Variants in MYOM2 observed in about 807,000 individuals in gnomAD.
MYOM2 encodes the protein myomesin-2.
MYOM2 carries 254 observed loss-of-function variants against 187.6 expected under a neutral mutation model. The observed-to-expected ratio is 1.35, with a 90% CI of 1.22 to 1.50. The LOEUF (loss-of-function observed/expected upper bound fraction) is 1.50. Among genes scored for constraint, MYOM2 ranks in the 40% most tolerant of loss-of-function variants. The pLI is 0.00. For synonymous variants in MYOM2, 981 were observed against 753.8 expected, an observed-to-expected ratio of 1.30 and a Z score of -4.94; for missense variants, 2,796 against 1,924.0, an observed-to-expected ratio of 1.45 and a Z score of -8.48.
intron 28 of MYOM2, among the ~76,000 whole-genome samples, chr8:2,118,695 A>AT (rs1389184184): frequency 3.9e-5 from 6 of 152,106 alleles, no homozygotes; most frequent in African/African-American, 1.4e-4. Context: ...ACAATAAAAA[A>AT]CCCAAGGCTG....
At chr8:2,067,434 C>A (rs945097633) in intron 6 of MYOM2, among the ~76,000 whole-genome samples, 5 of 152,154 alleles carry the variant, frequency 3.3e-5, no homozygotes, top group Admixed American at 2.0e-4. Flanking sequence ...GTTTACCTAG[C>A]TTCTTACCTT....
chr8:2,097,997 T>C (rs1796553928), intron 18 of MYOM2: 2 of 152,188 alleles, frequency 1.3e-5, no homozygotes, highest in South Asian at 4.2e-4. Flanking sequence ...TCTTTGTGAG[T>C]GCTACTGTTT....
chr8:2,074,746 C>T (rs917469218), intron 10 of MYOM2, among the ~76,000 whole-genome samples: 9 of 152,202 alleles, frequency 5.9e-5, no homozygotes, highest in Non-Finnish European at 1.2e-4. Flanking sequence ...TGTGAGCCAC[C>T]GCGCCCGGCC....
At chr8:2,072,640 G>A in intron 9 of MYOM2, 131 bp downstream of exon 9, 2 of 1,167,370 alleles carry the variant, frequency 1.7e-6, no homozygotes, top group Admixed American at 2.7e-5. Context: ...AACAAACTGA[G>A]GGACTGTAGA....
chr8:2,103,411 G>T (rs1796782511), intron 21 of MYOM2, among the ~76,000 whole-genome samples: 1 of 151,444 alleles, frequency 6.6e-6, no homozygotes, highest in African/African-American at 2.4e-5. Context: ...GTGTTTATGT[G>T]TATGTATGTA....
chr8:2,078,449 A>G (rs542077568), intron 11 of MYOM2, among the ~76,000 whole-genome samples: 1 of 152,300 alleles, frequency 6.6e-6, no homozygotes, highest in South Asian at 2.1e-4. Flanking sequence ...TTTTGCCTAA[A>G]TGTGTTTGAT....
At chr8:2,079,425 C>G (rs1327992464) in intron 12 of MYOM2, 135 bp from the exon 13 acceptor site, 2 of 831,692 alleles carry the variant, frequency 2.4e-6, no homozygotes, top group Admixed American at 1.7e-5. Flanking sequence ...CCAGAATCAG[C>G]TCTGATGCCC....
intron 31 of MYOM2, chr8:2,127,684 G>A (rs1797700885): frequency 2.8e-5 from 1 of 35,708 alleles, no homozygotes; most frequent in African/African-American, 1.3e-4. Flanking sequence ...TGACGCAGCC[G>A]CAGGCAGGCA....
In MYOM2 at chr8:2,072,401, T is replaced by C; in HGVS notation, c.850T>C (p.Phe284Leu). The C allele has an allele frequency of 6.2e-7, 1 of 1,614,032 alleles. No individual in the cohort carries two copies. The highest frequency in any genetic ancestry group is 8.5e-7 in the Non-Finnish European group (1 of 1,179,992). ...THFDVQFLEK[F>L]GVTFRREGET... ...CTTCGACGTCCAGTTTTTGGAGAAG[T>C]TTGGGGTCACCTTCAGGAGGGAAGG... The change falls in exon 9 of 37, where the codon TTT becomes CTT. Residue 284 changes from phenylalanine to leucine, a missense_variant. Physicochemically the swap from Phe to Leu is conservative, Grantham distance 22. Coordinates refer to ENST00000262113, the MANE Select transcript of MYOM2 (RefSeq NM_003970.4).
At position 2,125,759 on chromosome 8, in the gene MYOM2, C is replaced by T. The variant is rs959467499; in HGVS notation, c.3694+1542C>T. Reference sequence around the variant, plus strand: ...AGTAGCTGGGACTACAGGCACGCATCACCACACCCAGCTAATTTTTTTGCA... The same window carrying T: ...AGTAGCTGGGACTACAGGCACGCATTACCACACCCAGCTAATTTTTTTGCA... On this transcript the variant is annotated intron_variant, in intron 31 of 36. Coordinates refer to ENST00000262113, the MANE Select transcript of MYOM2 (RefSeq NM_003970.4). 5.3e-5 allele frequency among the ~76,000 whole-genome samples: 8 copies of T among 151,758 alleles called. No individual in the cohort carries two copies. In the South Asian group the frequency reaches 1.5e-3, roughly 28 times the overall value.
intron 8 of MYOM2, among the ~76,000 whole-genome samples, chr8:2,070,882 G>C (rs1819191162): frequency 1.3e-5 from 2 of 152,186 alleles, no homozygotes; most frequent in African/African-American, 4.8e-5. Flanking sequence ...AACAATGACA[G>C]AGATGATGGA....
intron 28 of MYOM2, among the ~76,000 whole-genome samples, chr8:2,120,680 TTATATATAA>T (rs1563069258): frequency 0.026 from 1,234 of 48,292 alleles, 162 homozygotes; most frequent in Middle Eastern, 0.068. Context: ...ATATATTATA[TTATATATAA>T]ATATATAATA....
intron 23 of MYOM2, among the ~76,000 whole-genome samples, chr8:2,108,531 C>T (rs1044950942): frequency 1.3e-5 from 2 of 152,062 alleles, no homozygotes; most frequent in Non-Finnish European, 2.9e-5. Context: ...ATATACCTAC[C>T]CCTGCCCCCA....
rs199977583 is a variant in MYOM2, at chr8:2,135,943, TGAAGCTGGGAGTGG to T, written c.3801-4771_3801-4758del. ...GGGCGTGGGGTCTAGGGTGAGACCCTGAAGCTGGGAGTGGGAAGCTGGAAACCAGCATTTGCCCT... is the reference window on the plus strand; with the variant it reads ...GGGCGTGGGGTCTAGGGTGAGACCCTGAAGCTGGAAACCAGCATTTGCCCT... On this transcript the variant is annotated intron_variant, in intron 32 of 36. Transcript: ENST00000262113. 5.8e-4 allele frequency among the ~76,000 whole-genome samples: 88 copies of T among 152,288 alleles called. 4 individuals carry two copies. In the East Asian group the frequency reaches 0.011, roughly 20 times the overall value.
intron 13 of MYOM2, among the ~76,000 whole-genome samples, chr8:2,082,540 T>G (rs1256277658): frequency 6.6e-6 from 1 of 152,240 alleles, no homozygotes; most frequent in Non-Finnish European, 1.5e-5. Flanking sequence ...CTCACCATTT[T>G]AATCTTGGGC....
At position 2,086,346 on chromosome 8, in the gene MYOM2, ATCTCTGCGTGGCCTCCCACT is replaced by A. The variant is rs1796049059; in HGVS notation, c.1644+957_1644+976del. Among the ~76,000 whole-genome samples, 8 of 74,598 alleles carry A rather than the reference ATCTCTGCGTGGCCTCCCACT, an allele frequency of 1.1e-4. 2 individuals carry two copies. The highest frequency in any genetic ancestry group is 4.8e-4 in the Admixed American group (3 of 6,280). The allele number at this position is 74,598 out of a possible 152,430, so 48.9% of individuals were successfully genotyped here. A position where few individuals can be genotyped will look rare whatever the true frequency, so the allele number is the denominator to read the frequency against. On this transcript the variant is annotated intron_variant, in intron 14 of 36. Transcript: ENST00000262113. ...CTCTGCGTGGCCCCCCACTGTTGTGATCTCTGCGTGGCCTCCCACTGTTGTGATCTCTGCGTGGCCTCCCA... is the reference window on the plus strand; with the variant it reads ...CTCTGCGTGGCCCCCCACTGTTGTGAGTTGTGATCTCTGCGTGGCCTCCCA...
rs74458941 is a variant in MYOM2 at position 2,120,040 on chromosome 8, A to C, written c.3453+2088A>C. On this transcript the variant is annotated intron_variant, in intron 28 of 36. Coordinates refer to ENST00000262113, the MANE Select transcript of MYOM2 (RefSeq NM_003970.4). ...CAGGAGTGGGCTGTGATTGCCACTG[A>C]AGGAGGCAAGACAGCAGCTCCTTAT... is the stretch of plus-strand genomic sequence containing the variant. 9.7e-3 allele frequency among the ~76,000 whole-genome samples: 1,474 copies of C among 152,252 alleles called. 21 individuals carry two copies. The highest frequency in any genetic ancestry group is 0.034 in the African/African-American group (1,403 of 41,544).
intron 32 of MYOM2, among the ~76,000 whole-genome samples, chr8:2,136,172 C>G (rs1019745918): frequency 6.6e-6 from 1 of 152,192 alleles, no homozygotes; most frequent in African/African-American, 2.4e-5. Flanking sequence ...ATGGGCAGCT[C>G]GAGGCTGGGA....
At chr8:2,110,411 A>G (rs1384653052) in intron 25 of MYOM2, among the ~76,000 whole-genome samples, 1 of 152,156 alleles carries the variant, frequency 6.6e-6, no homozygotes, top group African/African-American at 2.4e-5. Flanking sequence ...AACCTTAACA[A>G]TTATGTCAGG....
Sources: allele counts gnomAD v4.1 joint callset (sites outside exome capture counted in the v4.1 genomes callset), GRCh38; gene constraint gnomAD v4.1.1; transcripts MANE v1.5; gene names NCBI Gene and HGNC (gene_info 2026-07-23, HGNC 2026-07-21).